The following TTLL11 variants were observed in gnomAD, a reference collection of about 807,000 sequenced individuals.
TTLL11 encodes the protein tubulin tyrosine ligase like 11.
TTLL11 carries 42 observed loss-of-function variants against 51.7 expected under a neutral mutation model. The ratio of observed to expected loss-of-function variants is 0.81; its 90% CI spans 0.64 to 1.05. The LOEUF is 1.05. Ranked by LOEUF, TTLL11 falls within the 50% of genes least tolerant of loss-of-function variation. TTLL11 has a pLI of 0.00. For synonymous variants in TTLL11, 381 were observed against 383.5 expected (o/e 0.99, Z 0.08); for missense variants, 799 against 940.4 (o/e 0.85, Z 1.97).
intron 8 of TTLL11, among the ~76,000 whole-genome samples, chr9:121,855,145 G>A (rs1837776166): frequency 6.6e-6 from 1 of 152,160 alleles, no homozygotes. Context: ...TTTGTTTTGA[G>A]TGGTGAGTTT....
intron 3 of TTLL11, among the ~76,000 whole-genome samples, chr9:122,001,408 CA>C (rs1348779925): frequency 2.6e-5 from 4 of 151,800 alleles, no homozygotes; most frequent in Non-Finnish European, 4.4e-5. Flanking sequence ...CCAGCTGCAA[CA>C]CTGTTCTTAA....
At chr9:122,012,428 T>C (rs1554781968) in intron 3 of TTLL11, among the ~76,000 whole-genome samples, 3 of 151,086 alleles carry the variant, frequency 2.0e-5, no homozygotes, top group Non-Finnish European at 4.4e-5. Context: ...AGCTTGCCAT[T>C]AGAGAGAGAG....
intron 6 of TTLL11, among the ~76,000 whole-genome samples, chr9:121,964,103 A>G (rs575752398): frequency 6.6e-6 from 1 of 152,070 alleles, no homozygotes; most frequent in Non-Finnish European, 1.5e-5. Flanking sequence ...GACTTCATGC[A>G]TTCCAGATAG....
intron 6 of TTLL11, among the ~76,000 whole-genome samples, chr9:121,919,493 T>G (rs1188589877): frequency 1.3e-5 from 2 of 152,182 alleles, no homozygotes; most frequent in African/African-American, 4.8e-5. Flanking sequence ...TTCAAGGGCC[T>G]GCACAGTTGT....
intron 3 of TTLL11, among the ~76,000 whole-genome samples, chr9:122,018,109 C>CT (rs386416144): frequency 0.049 from 5,927 of 121,482 alleles, 245 homozygotes; most frequent in African/African-American, 0.068. Flanking sequence ...AATAATGCCA[C>CT]TTTTTTTTTT....
At chr9:121,854,833 C>G (rs1008037895) in intron 8 of TTLL11, among the ~76,000 whole-genome samples, 1 of 152,200 alleles carries the variant, frequency 6.6e-6, no homozygotes, top group Non-Finnish European at 1.5e-5. Flanking sequence ...GAGGGCTACT[C>G]GAGGGCTACG....
At chr9:122,030,213 G>GGGT (rs1554785420) in intron 3 of TTLL11, among the ~76,000 whole-genome samples, 18 of 135,752 alleles carry the variant, frequency 1.3e-4, no homozygotes, top group African/African-American at 4.5e-4. Flanking sequence ...GGGGGGGGGG[G>GGGT]GGTAATTATG....
intron 1 of TTLL11, among the ~76,000 whole-genome samples, chr9:122,053,258 G>A (rs1311298859): frequency 6.6e-6 from 1 of 152,166 alleles, no homozygotes; most frequent in Non-Finnish European, 1.5e-5. Context: ...CCAGAGGGAG[G>A]AGCAGTGGTT....
rs1402577296 is a variant in TTLL11 at position 121,995,988 on chromosome 9, G to A, written c.694-6218C>T. Among the ~76,000 whole-genome samples, 1 of 152,200 alleles carries A rather than the reference G, an allele frequency of 6.6e-6. No individual in the cohort carries two copies. The highest frequency in any genetic ancestry group is 1.5e-5 in the Non-Finnish European group (1 of 68,034). ...AGGCAAACATTTTCAGCACTCCCTG[G>A]CTTTTGAAGAGTTCCAGTTAAGAAA... On this transcript the variant is annotated intron_variant, in intron 3 of 8. Coordinates refer to ENST00000321582, the MANE Select transcript of TTLL11 (RefSeq NM_001139442.2). This position sits in a 1 kb window ranked among gnomAD's most constrained non-coding sequence, Gnocchi z 4.4.
chr9:121,826,553 G>GTATATATATATATATATATATATATATA (rs1385087890), intron 8 of TTLL11, among the ~76,000 whole-genome samples: 1 of 45,206 alleles, frequency 2.2e-5, no homozygotes, highest in African/African-American at 1.8e-4. Context: ...ATATATATGT[G>GTATATATATATATATATATATATATATA]TGTGTATATA....
Position 121,989,890 on chromosome 9 carries a change from G to T in TTLL11, c.694-120C>A. 6.7e-7 allele frequency: 1 copy of T among 1,495,510 alleles called. No homozygotes were observed. Among genetic ancestry groups the T allele is most frequent in the East Asian group, 2.3e-5 (1 of 43,886 alleles). 92.6% of individuals were successfully genotyped at this position (1,495,510 alleles called of 1,614,324 possible). On this transcript the variant is annotated intron_variant, in intron 3 of 8. Transcript: ENST00000321582. The surrounding 1 kb of genome is among the most constrained non-coding windows in gnomAD (Gnocchi z 4.2). ...GACAAGATGATCCCTGCCGATCTGA[G>T]CAGGGGCTGAGCATCTTCCATGGAG...
At chr9:121,945,886 T>C (rs1000970747) in intron 6 of TTLL11, among the ~76,000 whole-genome samples, 6 of 152,092 alleles carry the variant, frequency 3.9e-5, no homozygotes, top group Admixed American at 3.9e-4. Flanking sequence ...CAAAAACTTA[T>C]CCCTCTAAGT....
intron 3 of TTLL11, among the ~76,000 whole-genome samples, chr9:121,994,145 G>T (rs1214597089): frequency 1.3e-5 from 2 of 152,190 alleles, no homozygotes; most frequent in Non-Finnish European, 2.9e-5. Context: ...GATGGAAAGG[G>T]CAAGAATGGC....
intron 6 of TTLL11, among the ~76,000 whole-genome samples, chr9:121,872,763 T>A (rs1838400464): frequency 6.6e-6 from 1 of 152,132 alleles, no homozygotes; most frequent in Non-Finnish European, 1.5e-5. Flanking sequence ...CAGAGAAGCA[T>A]GAGGGAAAAA....
chr9:122,021,695 T>A (rs1844185457), intron 3 of TTLL11, among the ~76,000 whole-genome samples: 1 of 152,196 alleles, frequency 6.6e-6, no homozygotes, highest in South Asian at 2.1e-4. Flanking sequence ...TCCAAGTAAC[T>A]GAACTGGATC....
chr9:121,977,248 A>G (rs1485378866), intron 4 of TTLL11, among the ~76,000 whole-genome samples: 1 of 152,182 alleles, frequency 6.6e-6, no homozygotes, highest in Non-Finnish European at 1.5e-5. Context: ...GGAGTTAGAA[A>G]GACCTGGGCT....
At chr9:122,085,868 GCAAT>G (rs1846109901) in intron 1 of TTLL11, among the ~76,000 whole-genome samples, 1 of 152,162 alleles carries the variant, frequency 6.6e-6, no homozygotes, top group Admixed American at 6.5e-5. Flanking sequence ...AGTCACACAA[GCAAT>G]CAGAGGCAAG....
chr9:121,915,671 G>C (rs1027671685), intron 6 of TTLL11, among the ~76,000 whole-genome samples: 1 of 152,034 alleles, frequency 6.6e-6, no homozygotes, highest in African/African-American at 2.4e-5. Flanking sequence ...CAAAAAAATT[G>C]CTATTTTCAC....
chr9:122,041,591 A>G (rs1403421337), intron 1 of TTLL11, among the ~76,000 whole-genome samples: 1 of 152,216 alleles, frequency 6.6e-6, no homozygotes, highest in Non-Finnish European at 1.5e-5. Context: ...ATACAAAATC[A>G]ACACATAAAA....
Sources: allele counts gnomAD v4.1 joint callset (sites outside exome capture counted in the v4.1 genomes callset), GRCh38; gene constraint gnomAD v4.1.1; non-coding constraint Gnocchi (gnomAD v3.1); transcripts MANE v1.5; gene names NCBI Gene and HGNC (gene_info 2026-07-23, HGNC 2026-07-21).